Variants in RPL23A observed in about 807,000 individuals in gnomAD.
RPL23A encodes the protein large ribosomal subunit protein uL23.
A neutral mutation model predicts 17.6 loss-of-function variants in RPL23A; 2 were observed. That is an observed-to-expected ratio of 0.11 (90% confidence interval 0.05 to 0.36). The LOEUF is 0.36. Ranked by LOEUF, RPL23A falls within the 10% of genes least tolerant of loss-of-function variation. The pLI, the probability that RPL23A is intolerant of heterozygous loss-of-function variation, is 1.00. For missense variants in RPL23A, 132 were observed against 194.4 expected (o/e 0.68, Z 1.91); for synonymous variants, 65 against 74.3 (o/e 0.87, Z 0.65).
Position 28,723,618 on chromosome 17 carries a change from A to G in RPL23A, c.434A>G (p.Asp145Gly), listed in dbSNP as rs1472078256. Residue 145 changes from aspartate to glycine, a missense_variant, in exon 4 of 5, where the codon GAT (aspartate) becomes GGT (glycine). Asp to Gly is a moderately conservative substitution (Grantham distance 94). This residue lies in a region of RPL23A where 69 missense variants were observed against 145.5 expected (regional missense o/e 0.47). Transcript: ENST00000422514. ...KAYVRLAPDY[D>G]ALDVANKIGI... ...TATGTTCGACTGGCTCCTGATTACG[A>G]TGCTTTGGATGTTGCCAACAAAGTA... 1 of 1,614,038 alleles carries G rather than the reference A, an allele frequency of 6.2e-7. No homozygotes were observed. The highest frequency in any genetic ancestry group is 1.7e-5 in the Admixed American group (1 of 60,014).
At chr17:28,722,925 A>G (rs1376042054) in intron 3 of RPL23A, 26 bp downstream of exon 3, 2 of 1,606,612 alleles carry the variant, frequency 1.2e-6, no homozygotes, top group South Asian at 1.1e-5. Flanking sequence ...AGGGATGGGG[A>G]GCAGGCTGGA....
intron 2 of RPL23A, chr17:28,722,469 A>T (rs933259870): frequency 9.9e-6 from 6 of 605,644 alleles, no homozygotes; most frequent in Admixed American, 9.3e-5. Flanking sequence ...GAGCCAGCAC[A>T]CCTGGCCCAG....
rs1308791879 is a variant in RPL23A, at chr17:28,720,261, G to T, written c.25+231G>T. On this transcript the variant is annotated intron_variant, in intron 1 of 4. Transcript: ENST00000422514. ...AACGCGGCAGGCATCATCCGCCAGGGAGGGCCAGACATTCGGTTCTGGGAA... is the reference window on the plus strand; with the variant it reads ...AACGCGGCAGGCATCATCCGCCAGGTAGGGCCAGACATTCGGTTCTGGGAA... 7.1e-6 allele frequency: 11 copies of T among 1,543,194 alleles called. No homozygotes were observed. The Admixed American group carries it at 1.4e-4, about 19-fold the overall frequency.
At chr17:28,721,119 AG>A (rs371943513) in intron 2 of RPL23A, 48 of 421,664 alleles carry the variant, frequency 1.1e-4, no homozygotes, top group South Asian at 5.6e-4. Flanking sequence ...TGGGAGGCCG[AG>A]GGGGGGCGGA....
In RPL23A at chr17:28,722,855, G is replaced by A. The variant is rs1161492261; in HGVS notation, c.342G>A (p.Lys114=). The part of the protein sequence containing the change: ...ANKHQIKQAV[K]KLYDIDVAKV... ...AGCACCAGATTAAACAGGCTGTGAA[G>A]AAGCTGTATGACATTGATGTGGCCA... The change falls in exon 3 of 5, where the codon AAG becomes AAA. Residue 114 remains lysine, a synonymous_variant. Transcript: ENST00000422514. 5.0e-6 allele frequency: 8 copies of A among 1,613,856 alleles called. No homozygotes were observed. Among genetic ancestry groups the A allele is most frequent in the African/African-American group, 4.0e-5 (3 of 74,928 alleles).
intron 3 of RPL23A, 42 bp from the exon 4 acceptor site, chr17:28,723,529 C>A: frequency 7.1e-7 from 1 of 1,411,040 alleles, no homozygotes; most frequent in Non-Finnish European, 1.0e-6. Context: ...GGTGTGGGGG[C>A]AGTGAGGGTG....
chr17:28,720,128 G>T, intron 1 of RPL23A, 98 bp downstream of exon 1: 2 of 1,527,570 alleles, frequency 1.3e-6, no homozygotes, highest in Non-Finnish European at 1.8e-6. Flanking sequence ...AGCCCTGAGG[G>T]CTCTGCTCCG....
intron 2 of RPL23A, chr17:28,721,100 C>T (rs1171446884): frequency 4.2e-6 from 2 of 477,122 alleles, no homozygotes; most frequent in African/African-American, 4.0e-5. Context: ...GTCTGTAATC[C>T]CAGCACTTTG....
At chr17:28,723,369 T>TA (rs1298299979) in intron 3 of RPL23A, 21 of 758,270 alleles carry the variant, frequency 2.8e-5, no homozygotes, top group Non-Finnish European at 4.8e-5. Context: ...GTTTAAGTCT[T>TA]AATGTGGCCT....
chr17:28,721,841 C>T (rs1198822184), intron 2 of RPL23A: 2 of 152,228 alleles, frequency 1.3e-5, no homozygotes, highest in African/African-American at 2.4e-5. Context: ...CTTCCTGCCC[C>T]TCCCGCCACC....
At chr17:28,721,779 C>A (rs887694000) in intron 2 of RPL23A, 7 of 152,160 alleles carry the variant, frequency 4.6e-5, no homozygotes, top group Non-Finnish European at 7.4e-5. Context: ...TCTACTCTTT[C>A]TTAACAGAAA....
chr17:28,723,027 G>A (rs2034143378), intron 3 of RPL23A, 128 bp downstream of exon 3: 3 of 703,814 alleles, frequency 4.3e-6, no homozygotes, highest in Non-Finnish European at 7.6e-6. Flanking sequence ...TGTAGTCCGA[G>A]CTATGCAGGA....
chr17:28,720,192 C>A, intron 1 of RPL23A, 162 bp downstream of exon 1: 1 of 1,532,102 alleles, frequency 6.5e-7, no homozygotes, highest in East Asian at 2.5e-5. Context: ...CGCGTGGGCC[C>A]AGCCTCGTGG....
rs1597798511 is a variant in RPL23A, at chr17:28,723,993, A to G, written c.*112A>G. 1 of 713,128 alleles carries G rather than the reference A, an allele frequency of 1.4e-6. No homozygotes were observed. 44.2% of individuals were successfully genotyped at this position (713,128 alleles called of 1,614,324 possible). The stretch of plus-strand genomic sequence containing the variant: ...TGGGAGGCCACACACACACACTGAC[A>G]TGACAGGGCTTGGGCAAGACTCCTG... On this transcript the variant is annotated 3_prime_UTR_variant, in exon 5 of 5. Transcript: ENST00000422514.
At chr17:28,721,034 C>G in intron 2 of RPL23A, 144 bp downstream of exon 2, 2 of 753,694 alleles carry the variant, frequency 2.7e-6, no homozygotes, top group South Asian at 3.6e-5. Context: ...GAGATTGTTT[C>G]TGCTGCATTT....
At chr17:28,723,112 T>TA (rs1486569909) in intron 3 of RPL23A, among the ~76,000 whole-genome samples, 20 of 145,620 alleles carry the variant, frequency 1.4e-4, no homozygotes, top group African/African-American at 4.3e-4. Flanking sequence ...AAGGCCCTTT[T>TA]TAAAAAAAAA....
chr17:28,721,014 G>A lies in RPL23A; in HGVS notation c.209+124G>A, dbSNP rs1359445639. 4.9e-6 allele frequency: 4 copies of A among 817,186 alleles called. No individual in the cohort carries two copies. The Admixed American group carries it at 7.9e-5, about 16-fold the overall frequency. 50.6% of individuals were successfully genotyped at this position (817,186 alleles called of 1,614,324 possible). On this transcript the variant is annotated intron_variant, in intron 2 of 4. Coordinates refer to ENST00000422514, the MANE Select transcript of RPL23A (RefSeq NM_000984.6). Reference sequence around the variant, plus strand: ...TGTGTCCAGTGTGCTTCTCTAATTGGAAGTATGAGGAGATTGTTTCTGCTG... The same window carrying A: ...TGTGTCCAGTGTGCTTCTCTAATTGAAAGTATGAGGAGATTGTTTCTGCTG...
chr17:28,723,741 A>G (rs775773364), intron 4 of RPL23A, 101 bp downstream of exon 4: 1 of 1,356,392 alleles, frequency 7.4e-7, no homozygotes, highest in Non-Finnish European at 1.1e-6. Flanking sequence ...AGTCATAATT[A>G]ACTGACTGCA....
At position 28,724,339 on chromosome 17, in the gene RPL23A, G is replaced by C; in HGVS notation, c.*458G>C. 1.1e-6 allele frequency: 1 copy of C among 888,514 alleles called. No individual in the cohort carries two copies. Among genetic ancestry groups the C allele is most frequent in the South Asian group, 1.6e-5 (1 of 60,648 alleles). 55.0% of individuals were successfully genotyped at this position (888,514 alleles called of 1,614,324 possible). On this transcript the variant is annotated 3_prime_UTR_variant, in exon 5 of 5. Coordinates refer to ENST00000422514, the MANE Select transcript of RPL23A (RefSeq NM_000984.6). ...TTCCCTCACCCCTTGCCCAATAAAG[G>C]ACAAGGACTTCAGAGGAGTACTTTC...
Sources: gnomAD v4.1 joint callset for allele counts (sites outside exome capture counted in the v4.1 genomes callset) on GRCh38, gnomAD v4.1.1 for gene constraint, gnomAD v4.1.1 regional missense constraint, MANE v1.5 for transcripts, NCBI Gene and HGNC (gene_info 2026-07-23, HGNC 2026-07-21) for gene names.